HSD11B1: variants seen among roughly 807,000 people sequenced by gnomAD.
HSD11B1 encodes the protein 11-beta-hydroxysteroid dehydrogenase 1.
Under a neutral mutation model 22.1 loss-of-function variants are expected in HSD11B1, and 15 were observed. The observed-to-expected ratio is 0.68, with a 90% CI of 0.45 to 1.04. The LOEUF (loss-of-function observed/expected upper bound fraction) is 1.04, where lower values mean the gene tolerates loss of function less well. Ranked by LOEUF, HSD11B1 falls within the 50% of genes least tolerant of loss-of-function variation. The pLI is 0.00. For synonymous variants in HSD11B1, 122 were observed against 125.2 expected, an observed-to-expected ratio of 0.97 and a Z score of 0.17; for missense variants, 281 against 357.6, an observed-to-expected ratio of 0.79 and a Z score of 1.73.
chr1:209,696,438 G>A (rs982421014), intron 1 of HSD11B1, among the ~76,000 whole-genome samples: 1 of 152,212 alleles, frequency 6.6e-6, no homozygotes, highest in African/African-American at 2.4e-5. Context: ...CAGAAGGAGA[G>A]GGTTTGGGTA....
intron 1 of HSD11B1, among the ~76,000 whole-genome samples, chr1:209,690,557 C>T (rs2076753603): frequency 6.6e-6 from 1 of 151,896 alleles, no homozygotes; most frequent in Non-Finnish European, 1.5e-5. Context: ...ATTAGCCGAG[C>T]ATGGTGGTGC....
At chr1:209,705,620 C>T (rs878976156) in intron 1 of HSD11B1, among the ~76,000 whole-genome samples, 191 bp from the exon 2 acceptor site, 3 of 152,206 alleles carry the variant, frequency 2.0e-5, no homozygotes, top group African/African-American at 7.2e-5. Flanking sequence ...CAGCCCAAAC[C>T]TCCCACTTCA....
intron 1 of HSD11B1, among the ~76,000 whole-genome samples, chr1:209,690,481 G>T (rs1399543945): frequency 6.6e-6 from 1 of 152,110 alleles, no homozygotes; most frequent in African/African-American, 2.4e-5. Context: ...CGGATCACCT[G>T]AGGTCAGGAG....
intron 4 of HSD11B1, among the ~76,000 whole-genome samples, chr1:209,724,283 T>C (rs2076986798): frequency 6.6e-6 from 1 of 152,098 alleles, no homozygotes; most frequent in South Asian, 2.1e-4. Flanking sequence ...CTCTCTGAGG[T>C]CTCTTTGAAG....
chr1:209,698,805 G>A (rs569797790), intron 1 of HSD11B1, among the ~76,000 whole-genome samples: 1 of 152,196 alleles, frequency 6.6e-6, no homozygotes, highest in African/African-American at 2.4e-5. Context: ...CTCCACTGGG[G>A]GCAGGGATCA....
chr1:209,716,922 G>A (rs1470687378), intron 4 of HSD11B1, among the ~76,000 whole-genome samples: 1 of 152,088 alleles, frequency 6.6e-6, no homozygotes, highest in Non-Finnish European at 1.5e-5. Context: ...ACAGATTAAA[G>A]ACTTAAATGT....
upstream of HSD11B1, among the ~76,000 whole-genome samples, chr1:209,701,378 C>A (rs1571869100): frequency 6.6e-6 from 1 of 152,264 alleles, no homozygotes; most frequent in African/African-American, 2.4e-5. Context: ...TATTCACTAT[C>A]AAGAGAATAG....
intron 4 of HSD11B1, among the ~76,000 whole-genome samples, chr1:209,709,168 T>C (rs1273894825): frequency 6.6e-6 from 1 of 152,254 alleles, no homozygotes; most frequent in East Asian, 1.9e-4. Context: ...GTTTTAATCA[T>C]TTCTTCTAGG....
intron 4 of HSD11B1, among the ~76,000 whole-genome samples, chr1:209,723,217 C>A (rs1457994091): frequency 4.6e-5 from 7 of 152,188 alleles, no homozygotes; most frequent in Non-Finnish European, 7.3e-5. Flanking sequence ...TCTTTCTCTT[C>A]TGCTATCATG....
intron 5 of HSD11B1, among the ~76,000 whole-genome samples, chr1:209,733,609 A>G (rs1370017369): frequency 1.3e-5 from 2 of 152,160 alleles, no homozygotes; most frequent in African/African-American, 4.8e-5. Context: ...GGTGTGGAAT[A>G]TAAGGGGGTA....
At chr1:209,689,276 T>C (rs1485926114) in intron 1 of HSD11B1, among the ~76,000 whole-genome samples, 1 of 152,146 alleles carries the variant, frequency 6.6e-6, no homozygotes, top group Non-Finnish European at 1.5e-5. Context: ...GAATTAAGGA[T>C]TCTTCCCTGT....
intron 4 of HSD11B1, among the ~76,000 whole-genome samples, chr1:209,720,475 T>A (rs1290249810): frequency 6.6e-6 from 1 of 151,168 alleles, no homozygotes; most frequent in African/African-American, 2.4e-5. Flanking sequence ...TAATCAACAC[T>A]CCCATGATGA....
chr1:209,708,350 C>A (rs1463643654), intron 4 of HSD11B1, among the ~76,000 whole-genome samples: 5 of 152,342 alleles, frequency 3.3e-5, no homozygotes, highest in African/African-American at 1.2e-4. Context: ...CACAAACATT[C>A]TTATTGAAAC....
intron 1 of HSD11B1, among the ~76,000 whole-genome samples, chr1:209,691,628 A>T (rs1318399022): frequency 1.3e-5 from 2 of 152,236 alleles, no homozygotes; most frequent in Non-Finnish European, 2.9e-5. Context: ...AGTGATTATT[A>T]ACTCCCAGGA....
intron 4 of HSD11B1, among the ~76,000 whole-genome samples, chr1:209,731,411 T>C (rs2077035305): frequency 6.6e-6 from 1 of 152,000 alleles, no homozygotes. Flanking sequence ...TTAACACCCA[T>C]ACAAGAATAG....
intron 1 of HSD11B1, among the ~76,000 whole-genome samples, chr1:209,691,120 G>A (rs2076757310): frequency 6.6e-6 from 1 of 152,178 alleles, no homozygotes; most frequent in Non-Finnish European, 1.5e-5. Context: ...ACAGCAGTTG[G>A]ACCTCTCAGT....
At chr1:209,719,872 G>A (rs1428353344) in intron 4 of HSD11B1, among the ~76,000 whole-genome samples, 1 of 152,182 alleles carries the variant, frequency 6.6e-6, no homozygotes, top group Admixed American at 6.5e-5. Flanking sequence ...ATGTGTGCAT[G>A]TGTCTTTATA....
intron 4 of HSD11B1, among the ~76,000 whole-genome samples, chr1:209,730,776 TTA>T (rs2077030598): frequency 6.6e-6 from 1 of 152,236 alleles, no homozygotes; most frequent in African/African-American, 2.4e-5. Context: ...ATACAACATA[TTA>T]TATTTGAAAC....
chr1:209,692,374 T>C (rs2076765068), intron 1 of HSD11B1, among the ~76,000 whole-genome samples: 1 of 152,098 alleles, frequency 6.6e-6, no homozygotes, highest in Non-Finnish European at 1.5e-5. Context: ...AGAACTGGAC[T>C]CAATTCCAAA....
Sources: gnomAD v4.1 joint callset for allele counts (sites outside exome capture counted in the v4.1 genomes callset) on GRCh38, gnomAD v4.1.1 for gene constraint, MANE v1.5 for transcripts, NCBI Gene and HGNC (gene_info 2026-07-23, HGNC 2026-07-21) for gene names.